DLGAP1: variants seen among roughly 807,000 people sequenced by gnomAD.
DLGAP1 encodes disks large-associated protein 1.
Under a neutral mutation model 90.8 loss-of-function variants are expected in DLGAP1, and 11 were observed. The ratio of observed to expected loss-of-function variants is 0.12; its 90% CI spans 0.08 to 0.20. The LOEUF (loss-of-function observed/expected upper bound fraction) is 0.20, where lower values mean the gene tolerates loss of function less well. DLGAP1 is among the 10% of genes least tolerant of loss of function. The pLI is 1.00. For synonymous variants in DLGAP1, 558 were observed against 540.7 expected (o/e 1.03, Z -0.44); for missense variants, 1,050 against 1,333.8 (o/e 0.79, Z 3.31).
chr18:4,176,636 G>A (rs541823610), intron 1 of DLGAP1, among the ~76,000 whole-genome samples: 1 of 152,242 alleles, frequency 6.6e-6, no homozygotes, highest in South Asian at 2.1e-4. Context: ...CCTGTTTGTA[G>A]CCTACAGGTT....
chr18:3,812,316 T>A (rs934153466), intron 5 of DLGAP1, among the ~76,000 whole-genome samples: 2 of 152,166 alleles, frequency 1.3e-5, no homozygotes, highest in Admixed American at 1.3e-4. Flanking sequence ...TTTTCTGAGC[T>A]TCTGCTAGGC....
rs376678508 is a variant in DLGAP1 at position 4,411,905 on chromosome 18, C to T, written c.-267+43101G>A. ...CCGAGAACATAACCATCACTTCTGCCACATTTGATTGATCACAGCCTGTCA... is the reference window on the plus strand; with the variant it reads ...CCGAGAACATAACCATCACTTCTGCTACATTTGATTGATCACAGCCTGTCA... On this transcript the variant is annotated intron_variant, in intron 1 of 12. Coordinates refer to ENST00000315677, the MANE Select transcript of DLGAP1 (RefSeq NM_004746.4). Among the ~76,000 whole-genome samples the T allele has an allele frequency of 1.1e-4, 17 of 152,190 alleles. No homozygotes were observed. The East Asian group carries it at 1.9e-3, about 17-fold the overall frequency.
At chr18:3,534,062 A>G in intron 10 of DLGAP1, 132 bp downstream of exon 10, 1 of 990,362 alleles carries the variant, frequency 1.0e-6, no homozygotes, top group Non-Finnish European at 1.5e-6. Context: ...GCTCTCCTGC[A>G]TGTTCTGGTT....
At chr18:4,143,045 T>C (rs1432550673) in intron 2 of DLGAP1, among the ~76,000 whole-genome samples, 3 of 152,132 alleles carry the variant, frequency 2.0e-5, no homozygotes, top group Non-Finnish European at 4.4e-5. Flanking sequence ...CCACCACCAC[T>C]GGGACTGTGC....
In DLGAP1 at chr18:4,095,640, T is replaced by G. The variant is rs750441897; in HGVS notation, c.-159+55540A>C. Among the ~76,000 whole-genome samples, 59 of 151,992 alleles carry G rather than the reference T, an allele frequency of 3.9e-4. 1 individual carries two copies. Among genetic ancestry groups the G allele is most frequent in the Admixed American group, 4.6e-4 (7 of 15,260 alleles). ...CCCAAGTCAGGGCCAGAAAGACAGATAGGGCTGGTGGCCCTGGAGGGGCTG... is the reference window on the plus strand; with the variant it reads ...CCCAAGTCAGGGCCAGAAAGACAGAGAGGGCTGGTGGCCCTGGAGGGGCTG... On this transcript the variant is annotated intron_variant, in intron 2 of 12. Transcript: ENST00000315677.
intron 1 of DLGAP1, among the ~76,000 whole-genome samples, chr18:4,183,665 CT>C (rs1280247672): frequency 6.6e-6 from 1 of 152,008 alleles, no homozygotes; most frequent in Non-Finnish European, 1.5e-5. Context: ...GGATTCCAAC[CT>C]TTCTGCTAGA....
At chr18:3,963,545 A>G (rs1238809690) in intron 3 of DLGAP1, among the ~76,000 whole-genome samples, 5 of 124,262 alleles carry the variant, frequency 4.0e-5, no homozygotes, top group African/African-American at 1.5e-4. Context: ...TTTATCCTTT[A>G]CCTTTGAAGC....
At position 4,057,000 on chromosome 18, in the gene DLGAP1, TACATACACACAC is replaced by T. The variant is rs544825297; in HGVS notation, c.-158-51811_-158-51800del. 6.6e-3 allele frequency among the ~76,000 whole-genome samples: 630 copies of T among 94,978 alleles called. 5 individuals carry two copies. Among genetic ancestry groups the T allele is most frequent in the South Asian group, 0.025 (71 of 2,822 alleles). 62.3% of individuals were successfully genotyped at this position (94,978 alleles called of 152,430 possible). ...ATTTGCATTTATTAGCAACTGACCA[TACATACACACAC>T]ACACACACACACACACACACACACA... is the stretch of plus-strand genomic sequence containing the variant. On this transcript the variant is annotated intron_variant, in intron 2 of 12. Transcript: ENST00000315677.
chr18:4,300,301 T>C (rs1306204092), intron 1 of DLGAP1, among the ~76,000 whole-genome samples: 4 of 152,200 alleles, frequency 2.6e-5, no homozygotes, highest in Non-Finnish European at 4.4e-5. Flanking sequence ...CTGCCACTTA[T>C]AAATTATGCA....
intron 4 of DLGAP1, among the ~76,000 whole-genome samples, chr18:3,866,002 G>T (rs1319381760): frequency 1.3e-5 from 2 of 152,158 alleles, no homozygotes; most frequent in East Asian, 3.9e-4. Context: ...CACTAGCCTG[G>T]GAGTCAAGGG....
chr18:3,639,129 G>A (rs1163809861), intron 7 of DLGAP1, among the ~76,000 whole-genome samples: 1 of 152,174 alleles, frequency 6.6e-6, no homozygotes, highest in Non-Finnish European at 1.5e-5. Flanking sequence ...GCCAAGGCAG[G>A]TGGATCATTT....
chr18:4,409,681 A>C (rs1306181531), intron 1 of DLGAP1, among the ~76,000 whole-genome samples: 5 of 151,880 alleles, frequency 3.3e-5, no homozygotes, highest in African/African-American at 1.2e-4. Context: ...GATGTTGATA[A>C]TTTTTTCATG....
chr18:3,898,032 G>A (rs1001271010), intron 3 of DLGAP1, among the ~76,000 whole-genome samples: 3 of 151,768 alleles, frequency 2.0e-5, no homozygotes, highest in Non-Finnish European at 4.4e-5. Flanking sequence ...CTGACCTCGT[G>A]ATCCGCCCGC....
chr18:3,977,934 G>T, intron 3 of DLGAP1: 1 of 354,678 alleles, frequency 2.8e-6, no homozygotes. Flanking sequence ...GTGGAGACAA[G>T]GAAGGCCATG....
At chr18:4,149,982 C>T (rs2076647589) in intron 2 of DLGAP1, among the ~76,000 whole-genome samples, 1 of 152,208 alleles carries the variant, frequency 6.6e-6, no homozygotes, top group South Asian at 2.1e-4. Flanking sequence ...GAGAAAAAGT[C>T]AGTCAGTAAA....
In DLGAP1 at chr18:3,742,334, C is replaced by T; in HGVS notation, c.1350+1G>A. The T allele has an allele frequency of 6.2e-7, 1 of 1,612,620 alleles. No individual in the cohort carries two copies. The highest frequency in any genetic ancestry group is 8.5e-7 in the Non-Finnish European group (1 of 1,178,824). On this transcript the variant is annotated splice_donor_variant, in intron 6 of 12. Coordinates refer to ENST00000315677, the MANE Select transcript of DLGAP1 (RefSeq NM_004746.4). LOFTEE classifies it high-confidence loss of function. ...ACCACCGCTGCCCTGACGGCCCTCA[C>T]CTGGCTGATGGTGCTCATGGCTCGC...
chr18:3,541,178 C>T (rs1008739284), intron 9 of DLGAP1, among the ~76,000 whole-genome samples: 7 of 151,616 alleles, frequency 4.6e-5, no homozygotes, highest in African/African-American at 9.7e-5. Flanking sequence ...CTTGTAAGTC[C>T]GATGGTTTTC....
chr18:4,425,100 T>C (rs960814199), intron 1 of DLGAP1, among the ~76,000 whole-genome samples: 2 of 152,062 alleles, frequency 1.3e-5, no homozygotes, highest in African/African-American at 4.8e-5. Flanking sequence ...TTTTATTTTC[T>C]TTCCTTTTTC....
At chr18:4,092,389 G>A (rs2075784893) in intron 2 of DLGAP1, among the ~76,000 whole-genome samples, 1 of 152,070 alleles carries the variant, frequency 6.6e-6, no homozygotes, top group Non-Finnish European at 1.5e-5. Context: ...TTAGGAGTGG[G>A]GCTTGCTCTG....
Sources: allele counts gnomAD v4.1 joint callset (sites outside exome capture counted in the v4.1 genomes callset), GRCh38; gene constraint gnomAD v4.1.1; transcripts MANE v1.5; gene names NCBI Gene and HGNC (gene_info 2026-07-23, HGNC 2026-07-21).